The following FBXO31 variants were observed in gnomAD, a reference collection of about 807,000 sequenced individuals.
The protein encoded by FBXO31 is F-box protein 31, also known as F-box only protein 31.
In FBXO31, 24 loss-of-function variants were observed where a neutral mutation model predicts 54.4. That is an observed-to-expected ratio of 0.44 (90% CI 0.32 to 0.62). The LOEUF is 0.62. Ranked by LOEUF, FBXO31 falls within the 20% of genes least tolerant of loss-of-function variation. The pLI, the probability that FBXO31 is intolerant of heterozygous loss-of-function variation, is 0.05. For missense variants in FBXO31, 665 were observed against 787.1 expected (o/e 0.84, Z 1.86); for synonymous variants, 388 against 335.6 (o/e 1.16, Z -1.71).
chr16:87,377,702 G>A (rs1160620268), intron 1 of FBXO31, among the ~76,000 whole-genome samples: 1 of 151,112 alleles, frequency 6.6e-6, no homozygotes, highest in Non-Finnish European at 1.5e-5. Context: ...GGTGGTGCAC[G>A]CCTGTACTCC....
chr16:87,349,518 T>C (rs1436119120), intron 2 of FBXO31, among the ~76,000 whole-genome samples: 1 of 152,088 alleles, frequency 6.6e-6, no homozygotes, highest in Non-Finnish European at 1.5e-5. Flanking sequence ...GAGACCAGCC[T>C]GGCCAACATG....
chr16:87,369,330 G>C (rs1906498458), intron 1 of FBXO31, among the ~76,000 whole-genome samples: 1 of 152,056 alleles, frequency 6.6e-6, no homozygotes, highest in African/African-American at 2.4e-5. Flanking sequence ...TCCCCATGGA[G>C]CGGCAACTCC....
At chr16:87,377,945 G>T (rs1906901272) in intron 1 of FBXO31, among the ~76,000 whole-genome samples, 1 of 152,052 alleles carries the variant, frequency 6.6e-6, no homozygotes, top group Non-Finnish European at 1.5e-5. Context: ...ATCACCTGAG[G>T]TTGGGAGTTC....
At chr16:87,351,230 T>G (rs760818807) in intron 2 of FBXO31, among the ~76,000 whole-genome samples, 2 of 152,328 alleles carry the variant, frequency 1.3e-5, no homozygotes, top group East Asian at 3.9e-4. Flanking sequence ...GATGAATCCA[T>G]GGATTTCAAT....
At chr16:87,379,181 A>G (rs1019963516) in intron 1 of FBXO31, among the ~76,000 whole-genome samples, 1 of 151,918 alleles carries the variant, frequency 6.6e-6, no homozygotes, top group African/African-American at 2.4e-5. Flanking sequence ...CTGGAGTGCA[A>G]TGGCATGCAT....
chr16:87,352,943 C>T (rs912514397), intron 2 of FBXO31, among the ~76,000 whole-genome samples: 6 of 152,216 alleles, frequency 3.9e-5, no homozygotes, highest in Non-Finnish European at 2.9e-5. Context: ...CCTTGGCCCA[C>T]GTGCCACAGG....
At chr16:87,377,906 C>G (rs1352572249) in intron 1 of FBXO31, among the ~76,000 whole-genome samples, 1 of 151,736 alleles carries the variant, frequency 6.6e-6, no homozygotes, top group Non-Finnish European at 1.5e-5. Flanking sequence ...GCCTGTAATC[C>G]CAGCACTTTG....
In FBXO31 at chr16:87,383,412, G is replaced by A. The variant is rs1349769568; in HGVS notation, c.333C>T (p.Cys111=). 1.9e-6 allele frequency: 3 copies of A among 1,553,408 alleles called. No individual in the cohort carries two copies. Among genetic ancestry groups the A allele is most frequent in the Middle Eastern group, 2.2e-4 (1 of 4,616 alleles). Residue 111 remains cysteine, a synonymous_variant, in exon 1 of 9, where the codon TGC becomes TGT. Transcript: ENST00000311635. This position sits in a 1 kb window ranked among gnomAD's most constrained non-coding sequence, Gnocchi z 4.9. ...CCACCCCCGCGCGCTCACCCTCACG[G>A]CAACGCCTCCTCCAGATGGTGTCGG... ...LHTDTIWRRR[C]REEYGVCENL...
rs572675819 is a variant in FBXO31 at position 87,331,722 on chromosome 16, C to T, written c.1398-212G>A. 4.1e-3 allele frequency among the ~76,000 whole-genome samples: 620 copies of T among 152,334 alleles called. 3 individuals are homozygous for T. The highest frequency in any genetic ancestry group is 0.014 in the African/African-American group (585 of 41,576). On this transcript the variant is annotated intron_variant, in intron 8 of 8. Coordinates refer to ENST00000311635, the MANE Select transcript of FBXO31 (RefSeq NM_024735.5). ...TGAAGGGGTAGCTAAGGGCGCAGGC[C>T]GAGCCCACCTGATGATGGACGCAGA...
chr16:87,363,111 G>A (rs1330836011), intron 1 of FBXO31, among the ~76,000 whole-genome samples: 9 of 152,108 alleles, frequency 5.9e-5, no homozygotes, highest in South Asian at 4.1e-4. Flanking sequence ...AAAGCCGGGC[G>A]CGGTGGCTCA....
intron 5 of FBXO31, among the ~76,000 whole-genome samples, chr16:87,340,549 G>A (rs774912324): frequency 1.3e-5 from 2 of 152,244 alleles, no homozygotes; most frequent in Non-Finnish European, 2.9e-5. Context: ...ACAGACACAA[G>A]AGAAAAATAA....
rs556512016 is a variant in FBXO31, at chr16:87,353,613, C to A, written c.413-6363G>T. 1.2e-4 allele frequency among the ~76,000 whole-genome samples: 19 copies of A among 152,350 alleles called. No individual in the cohort carries two copies. In the East Asian group the frequency reaches 3.5e-3, roughly 28 times the overall value. On this transcript the variant is annotated intron_variant, in intron 2 of 8. Coordinates refer to ENST00000311635, the MANE Select transcript of FBXO31 (RefSeq NM_024735.5). ...AGGAAGAGGCGGTAAGGAGGCTCCGCAAGAGCCTTCGGAGGCAGCAGGGCC... is the reference window on the plus strand; with the variant it reads ...AGGAAGAGGCGGTAAGGAGGCTCCGAAAGAGCCTTCGGAGGCAGCAGGGCC...
intron 1 of FBXO31, among the ~76,000 whole-genome samples, chr16:87,389,068 T>C (rs1567494957): frequency 6.6e-6 from 1 of 152,134 alleles, no homozygotes; most frequent in African/African-American, 2.4e-5. Context: ...GTTTCATAAA[T>C]ACTCAAGCAC....
Position 87,335,493 on chromosome 16 carries a change from G to A in FBXO31, c.843-36C>T, listed in dbSNP as rs760953801. On this transcript the variant is annotated intron_variant, in intron 6 of 8. Coordinates refer to ENST00000311635, the MANE Select transcript of FBXO31 (RefSeq NM_024735.5). This position sits in a 1 kb window ranked among gnomAD's most constrained non-coding sequence, Gnocchi z 5.7. The stretch of plus-strand genomic sequence containing the variant: ...CGGACGGGTCAGTACAGGAGACCTC[G>A]TGGGGCAGGCAGGACTGAGAACGCC... 80 of 1,590,260 alleles carry A rather than the reference G, an allele frequency of 5.0e-5. No homozygotes were observed. In the South Asian group the frequency reaches 5.5e-4, roughly 11 times the overall value.
At chr16:87,372,197 C>G (rs1416260626) in intron 1 of FBXO31, among the ~76,000 whole-genome samples, 3 of 152,144 alleles carry the variant, frequency 2.0e-5, no homozygotes, top group African/African-American at 7.2e-5. Context: ...GCACTGCAGT[C>G]TAGGCAACAG....
chr16:87,336,838 C>T lies in FBXO31; in HGVS notation c.733-574G>A, dbSNP rs143125219. Among the ~76,000 whole-genome samples the T allele has an allele frequency of 1.8e-3, 272 of 152,314 alleles. 1 individual carries two copies. Among genetic ancestry groups the T allele is most frequent in the African/African-American group, 6.0e-3 (248 of 41,572 alleles). On this transcript the variant is annotated intron_variant, in intron 5 of 8. Coordinates refer to ENST00000311635, the MANE Select transcript of FBXO31 (RefSeq NM_024735.5). This position sits in a 1 kb window ranked among gnomAD's most constrained non-coding sequence, Gnocchi z 6.5. ...CAAAAACTCCGCAGCCCCACCAGTCCGCCCTGCATTCTGCCATCACATGGT... is the reference window on the plus strand; with the variant it reads ...CAAAAACTCCGCAGCCCCACCAGTCTGCCCTGCATTCTGCCATCACATGGT...
intron 1 of FBXO31, among the ~76,000 whole-genome samples, chr16:87,377,002 G>A (rs573331228): frequency 3.9e-4 from 59 of 152,290 alleles, no homozygotes; most frequent in African/African-American, 1.3e-3. Flanking sequence ...GCTTGCCCAC[G>A]GTCTGATACC....
intron 1 of FBXO31, chr16:87,367,376 C>G (rs1220545308): frequency 1.3e-5 from 2 of 152,180 alleles, no homozygotes; most frequent in Admixed American, 1.3e-4. Context: ...GGCCTACCTG[C>G]TCTCACTGAG....
Position 87,334,159 on chromosome 16 carries a change from T to G in FBXO31, c.1124A>C (p.Glu375Ala). The G allele has an allele frequency of 6.2e-7, 1 of 1,612,648 alleles. No homozygotes were observed. Among genetic ancestry groups the G allele is most frequent in the Non-Finnish European group, 8.5e-7 (1 of 1,179,676 alleles). The change falls in exon 8 of 9, where the codon GAG (glutamate) becomes GCG (alanine). Residue 375 changes from glutamate (E) to alanine (A), a missense_variant. Transcript: ENST00000311635. The stretch of plus-strand genomic sequence containing the variant: ...TTCCTGCTGCTCCTGGCGCACCCTC[T>G]CGCGCACCTCCAGGACGATGCGGGA... The part of the protein sequence containing the change: ...ELSRIVLEVR[E>A]RVRQEQQEGG...
Sources: allele counts gnomAD v4.1 joint callset (sites outside exome capture counted in the v4.1 genomes callset), GRCh38; gene constraint gnomAD v4.1.1; non-coding constraint Gnocchi (gnomAD v3.1); transcripts MANE v1.5; gene names NCBI Gene and HGNC (gene_info 2026-07-23, HGNC 2026-07-21).